Variants in RAI2 observed in about 807,000 individuals in gnomAD.
The protein encoded by RAI2 is retinoic acid-induced protein 2.
RAI2 carries 5 observed loss-of-function variants against 15.3 expected under a neutral mutation model. That is an observed-to-expected ratio of 0.33 (90% confidence interval 0.17 to 0.69). RAI2 has a LOEUF of 0.69. Among genes scored for constraint, RAI2 ranks in the 30% least tolerant of loss-of-function variants. RAI2 has a pLI of 0.69. For synonymous variants in RAI2, 191 were observed against 184.0 expected (o/e 1.04, Z -0.31); for missense variants, 424 against 424.7 (o/e 1.00, Z 0.01).
Position 17,802,506 on chromosome X carries a change from G to C in RAI2, c.-24-472C>G, listed in dbSNP as rs964806437. Among the ~76,000 whole-genome samples the C allele has an allele frequency of 3.6e-5, 4 of 112,308 alleles. No homozygotes were observed. The Admixed American group carries it at 3.7e-4, about 10-fold the overall frequency. On this transcript the variant is annotated intron_variant, in intron 1 of 1. Coordinates refer to ENST00000451717, the MANE Select transcript of RAI2 (RefSeq NM_021785.6). ...TGAATATGCTATGACTATGGAAAATGGCATTTTAAATACTCTGTAGCAATC... is the reference window on the plus strand; with the variant it reads ...TGAATATGCTATGACTATGGAAAATCGCATTTTAAATACTCTGTAGCAATC...
At chrX:17,827,268 A>T (rs745624475) in intron 1 of RAI2, among the ~76,000 whole-genome samples, 5 of 111,931 alleles carry the variant, frequency 4.5e-5, no homozygotes, top group Non-Finnish European at 7.5e-5. Context: ...GCCACACAGA[A>T]TCATGGCTCA....
At chrX:17,832,789 G>A in intron 1 of RAI2, among the ~76,000 whole-genome samples, 1 of 112,056 alleles carries the variant, frequency 8.9e-6, no homozygotes. Flanking sequence ...GAGGCTAGGC[G>A]CTGAGGTCCC....
At chrX:17,828,267 G>A (rs1308918873) in intron 1 of RAI2, among the ~76,000 whole-genome samples, 1 of 109,297 alleles carries the variant, frequency 9.1e-6, no homozygotes, top group African/African-American at 3.4e-5. Flanking sequence ...ACCGAGAAAT[G>A]CCAGCTGCTC....
chrX:17,827,884 C>G (rs186511814), intron 1 of RAI2, among the ~76,000 whole-genome samples: 3 of 111,329 alleles, frequency 2.7e-5, no homozygotes, highest in Admixed American at 9.4e-5. Context: ...CATTTCCAAC[C>G]CAGTATCCCT....
intron 1 of RAI2, among the ~76,000 whole-genome samples, chrX:17,810,371 T>C (rs2067034287): frequency 8.9e-6 from 1 of 112,282 alleles, no homozygotes; most frequent in Non-Finnish European, 1.9e-5. Context: ...GTCAAAAAGT[T>C]TGACAGGTGA....
intron 1 of RAI2, among the ~76,000 whole-genome samples, chrX:17,842,293 C>A (rs374180157): frequency 9.0e-6 from 1 of 111,197 alleles, no homozygotes; most frequent in Non-Finnish European, 1.9e-5. Flanking sequence ...AGTCTCACTG[C>A]GAGGGAGAGG....
Position 17,801,642 on chromosome X carries a change from G to A in RAI2, c.369C>T (p.Pro123=), listed in dbSNP as rs372406814. The A allele has an allele frequency of 1.7e-4, 203 of 1,210,025 alleles. No homozygotes were observed. Among genetic ancestry groups the A allele is most frequent in the Non-Finnish European group, 2.0e-4 (178 of 895,186 alleles). Residue 123 remains proline (P), a synonymous_variant, in exon 2 of 2, where the codon CCC becomes CCT. Transcript: ENST00000451717. ...VMTTQGPVQL[P]VVLEQHVFQH... is the part of the protein sequence containing the mutation. ...GAAAGACGTGCTGCTCCAGCACCAC[G>A]GGCAGTTGCACGGGGCCCTGGGTGG...
chrX:17,812,805 A>G (rs1292132157), intron 1 of RAI2, among the ~76,000 whole-genome samples: 1 of 112,005 alleles, frequency 8.9e-6, no homozygotes, highest in African/African-American at 3.2e-5. Flanking sequence ...TTTTGAGGTA[A>G]CTAGGCAAGA....
In RAI2 at chrX:17,800,877, A is replaced by T; in HGVS notation, c.1134T>A (p.Leu378=). The T allele has an allele frequency of 8.3e-7, 1 of 1,211,136 alleles. No individual in the cohort carries two copies. The highest frequency in any genetic ancestry group is 1.1e-6 in the Non-Finnish European group (1 of 895,346). The part of the protein sequence containing the change: ...DSSGHTVMEK[L]PSGMEISFAP... ...CAAAAGAAATTTCCATGCCACTGGGAAGTTTCTCCATCACTGTGTGACCTG... is the reference window on the plus strand; with the variant it reads ...CAAAAGAAATTTCCATGCCACTGGGTAGTTTCTCCATCACTGTGTGACCTG... Residue 378 remains leucine, a synonymous_variant, in exon 2 of 2, where the codon CTT becomes CTA. Transcript: ENST00000451717.
At chrX:17,829,728 G>A (rs1025195789) in intron 1 of RAI2, among the ~76,000 whole-genome samples, 6 of 112,525 alleles carry the variant, frequency 5.3e-5, no homozygotes, top group Non-Finnish European at 1.1e-4. Context: ...TACCAATTAG[G>A]CAAGTTCATT....
At chrX:17,826,284 G>C (rs1276167958) in intron 1 of RAI2, among the ~76,000 whole-genome samples, 1 of 110,361 alleles carries the variant, frequency 9.1e-6, no homozygotes, top group Admixed American at 9.6e-5. Flanking sequence ...ATTTGGAACA[G>C]TCACCACCTC....
At chrX:17,857,562 C>T (rs1001552806) in intron 1 of RAI2, among the ~76,000 whole-genome samples, 4 of 111,424 alleles carry the variant, frequency 3.6e-5, no homozygotes, top group African/African-American at 1.3e-4. Context: ...AATAATCTTG[C>T]CCATCTCCCA....
At chrX:17,805,706 A>T (rs2066971243) in intron 1 of RAI2, among the ~76,000 whole-genome samples, 1 of 112,232 alleles carries the variant, frequency 8.9e-6, no homozygotes, top group South Asian at 3.7e-4. Context: ...CCCTGGCCCA[A>T]ACCTCACTTC....
intron 1 of RAI2, among the ~76,000 whole-genome samples, chrX:17,846,952 C>G (rs750715837): frequency 2.7e-5 from 3 of 111,837 alleles, no homozygotes; most frequent in African/African-American, 9.8e-5. Context: ...GAATAAGTCT[C>G]AAGAGATTTG....
intron 1 of RAI2, among the ~76,000 whole-genome samples, chrX:17,816,754 C>T (rs189888977): frequency 2.4e-3 from 266 of 112,015 alleles, no homozygotes; most frequent in Non-Finnish European, 4.5e-3. Flanking sequence ...GGCTGACTGG[C>T]CAGCTGTTCA....
rs766204428 is a variant in RAI2, at chrX:17,803,300, C to A, written c.-24-1266G>T. 6.3e-5 allele frequency among the ~76,000 whole-genome samples: 7 copies of A among 110,794 alleles called. No individual in the cohort carries two copies. The South Asian group carries it at 2.3e-3, about 36-fold the overall frequency. ...CAGCACTTTGGGAGGCTGAGGTGGG[C>A]AGATCATTTGAGGTCAGGAGTTCGA... On this transcript the variant is annotated intron_variant, in intron 1 of 1. Transcript: ENST00000451717.
chrX:17,815,491 A>G (rs1205821083), intron 1 of RAI2, among the ~76,000 whole-genome samples: 1 of 111,485 alleles, frequency 9.0e-6, no homozygotes, highest in Non-Finnish European at 1.9e-5. Flanking sequence ...CCAGTCATCA[A>G]ATCTTTATTG....
At chrX:17,859,620 T>C (rs1658074652) in intron 1 of RAI2, among the ~76,000 whole-genome samples, 1 of 112,863 alleles carries the variant, frequency 8.9e-6, no homozygotes, top group South Asian at 3.6e-4. Context: ...TTGATGTCAC[T>C]TATCCTCAGC....
At chrX:17,832,276 C>T (rs1168102213) in intron 1 of RAI2, among the ~76,000 whole-genome samples, 2 of 111,987 alleles carry the variant, frequency 1.8e-5, no homozygotes, top group African/African-American at 6.5e-5. Flanking sequence ...GCACTTAAAC[C>T]AGGGCAGTCC....
Sources: gnomAD v4.1 joint callset for allele counts (sites outside exome capture counted in the v4.1 genomes callset) on GRCh38, gnomAD v4.1.1 for gene constraint, MANE v1.5 for transcripts, NCBI Gene and HGNC (gene_info 2026-07-23, HGNC 2026-07-21) for gene names.